The following MICALL1 variants were observed in gnomAD, a reference collection of about 807,000 sequenced individuals.
MICALL1 encodes MICAL-like protein 1.
Under a neutral mutation model 83.7 loss-of-function variants are expected in MICALL1, and 61 were observed. The observed-to-expected ratio is 0.73, with a 90% CI of 0.59 to 0.90. The LOEUF is 0.90. Among genes scored for constraint, MICALL1 ranks in the 40% least tolerant of loss-of-function variants. The probability of loss-of-function intolerance (pLI) is 0.00; values close to 1 mark genes in which losing one functional copy is unlikely to be tolerated. For missense variants in MICALL1, 1,066 were observed against 1,152.0 expected (o/e 0.93, Z 1.08); for synonymous variants, 481 against 473.6 (o/e 1.02, Z -0.20).
At position 37,925,414 on chromosome 22, in the gene MICALL1, C is replaced by A. The variant is rs1325017239; in HGVS notation, c.1083-247C>A. 2.0e-5 allele frequency among the ~76,000 whole-genome samples: 3 copies of A among 152,054 alleles called. No individual in the cohort carries two copies. In the East Asian group the frequency reaches 5.8e-4, roughly 29 times the overall value. Reference sequence around the variant, plus strand: ...TACATGGATTGTAGGTGGCAGAGCCCCTGGTCGATCCTTTCCTGGGCTGGG... The same window carrying A: ...TACATGGATTGTAGGTGGCAGAGCCACTGGTCGATCCTTTCCTGGGCTGGG... On this transcript the variant is annotated intron_variant, in intron 7 of 15. Transcript: ENST00000215957.
At chr22:37,938,401 CA>C (rs559904995) in intron 15 of MICALL1, among the ~76,000 whole-genome samples, 3,628 of 59,186 alleles carry the variant, frequency 0.061, 117 homozygotes, top group African/African-American at 0.19. Flanking sequence ...GACTCAGTCT[CA>C]AAAAAAAAAA....
chr22:37,940,061 C>G (rs938685697), intron 15 of MICALL1, among the ~76,000 whole-genome samples: 3 of 152,002 alleles, frequency 2.0e-5, no homozygotes, highest in Non-Finnish European at 4.4e-5. Flanking sequence ...TGCACTCCAG[C>G]CTGGGCGACA....
chr22:37,912,110 C>A, intron 2 of MICALL1, 110 bp downstream of exon 2: 1 of 1,324,486 alleles, frequency 7.6e-7, no homozygotes. Context: ...CCCTTGTACA[C>A]CGGCCCTGGC....
intron 5 of MICALL1, among the ~76,000 whole-genome samples, chr22:37,921,291 G>C (rs1430486807): frequency 1.3e-5 from 2 of 152,094 alleles, no homozygotes; most frequent in African/African-American, 4.8e-5. Flanking sequence ...AACACAGCCG[G>C]AAGTAGTGGC....
Position 37,922,361 on chromosome 22 carries a change from G to A in MICALL1, c.959G>A (p.Arg320Gln), listed in dbSNP as rs558013925. ...ESTTPAPPTPRPRSSLQQENL... is the reference protein window; with the variant it reads ...ESTTPAPPTPQPRSSLQQENL... ...ACCACCCCAGCACCCCCCACGCCCC[G>A]GCCCCGCTCCAGTCTGCAGCAGGAG... Residue 320 changes from arginine to glutamine, a missense_variant, in exon 6 of 16, where the codon CGG becomes CAG. Transcript: ENST00000215957. The A allele has an allele frequency of 5.6e-5, 85 of 1,517,886 alleles. No individual in the cohort carries two copies. The East Asian group carries it at 7.1e-4, about 13-fold the overall frequency. The allele number at this position is 1,517,886 out of a possible 1,614,324, so 94.0% of individuals were successfully genotyped here.
chr22:37,938,644 C>CA (rs1304882780), intron 15 of MICALL1, among the ~76,000 whole-genome samples: 1 of 139,308 alleles, frequency 7.2e-6, no homozygotes, highest in Non-Finnish European at 1.5e-5. Context: ...TTTTTTGAGA[C>CA]AGAGTCTTGC....
rs1383238089 is a variant in MICALL1 at position 37,924,760 on chromosome 22, G to A, written c.1082+43G>A. ...GGGCTTTCCTGCTTTGGAGGTCCTG[G>A]TGGTGGGAATCAGGGTACTCTGGGG... On this transcript the variant is annotated intron_variant, in intron 7 of 15. Coordinates refer to ENST00000215957, the MANE Select transcript of MICALL1 (RefSeq NM_033386.4). The surrounding 1 kb of genome is among the most constrained non-coding windows in gnomAD (Gnocchi z 5.2). 1.3e-6 allele frequency: 2 copies of A among 1,599,554 alleles called. No individual in the cohort carries two copies. The highest frequency in any genetic ancestry group is 1.7e-4 in the Middle Eastern group (1 of 6,016).
rs141656115 is a variant in MICALL1, at chr22:37,936,753, G to A, written c.2309-327G>A. ...TAAAAATATAAAAAATTAGCTGAGC[G>A]TGGTGGCAGGTGCCTGTAGTCCCAG... On this transcript the variant is annotated intron_variant, in intron 13 of 15. Coordinates refer to ENST00000215957, the MANE Select transcript of MICALL1 (RefSeq NM_033386.4). 8.7e-3 allele frequency among the ~76,000 whole-genome samples: 1,324 copies of A among 152,248 alleles called. 15 individuals are homozygous for A. The highest frequency in any genetic ancestry group is 0.026 in the African/African-American group (1,085 of 41,552).
In MICALL1 at chr22:37,924,771, CAG is replaced by C. The variant is rs1929318242; in HGVS notation, c.1082+55_1082+56del. 6 of 1,581,776 alleles carry C rather than the reference CAG, an allele frequency of 3.8e-6. No homozygotes were observed. The East Asian group carries it at 1.1e-4, about 30-fold the overall frequency. ...CTTTGGAGGTCCTGGTGGTGGGAAT[CAG>C]GGTACTCTGGGGCCGGGTAGGGAGA... is the stretch of plus-strand genomic sequence containing the variant. On this transcript the variant is annotated intron_variant, in intron 7 of 15. Transcript: ENST00000215957. The surrounding 1 kb of genome is among the most constrained non-coding windows in gnomAD (Gnocchi z 5.2).
intron 8 of MICALL1, 58 bp downstream of exon 8, chr22:37,926,101 C>A: frequency 6.7e-7 from 1 of 1,483,494 alleles, no homozygotes; most frequent in South Asian, 1.3e-5. Context: ...GGGCCCGGGC[C>A]TGGGGAGGGG....
intron 15 of MICALL1, among the ~76,000 whole-genome samples, chr22:37,940,258 C>G (rs1378875488): frequency 6.6e-6 from 1 of 151,624 alleles, no homozygotes; most frequent in Non-Finnish European, 1.5e-5. Context: ...CCCATCTCTA[C>G]TAAAAATACA....
At position 37,924,738 on chromosome 22, in the gene MICALL1, C is replaced by G; in HGVS notation, c.1082+21C>G. On this transcript the variant is annotated intron_variant, in intron 7 of 15. Transcript: ENST00000215957. The surrounding 1 kb of genome is among the most constrained non-coding windows in gnomAD (Gnocchi z 5.2). The stretch of plus-strand genomic sequence containing the variant: ...GAGGGGTATGTCGATCCCTGAGGGG[C>G]TTTCCTGCTTTGGAGGTCCTGGTGG... 6 of 1,609,466 alleles carry G rather than the reference C, an allele frequency of 3.7e-6. No individual in the cohort carries two copies. The highest frequency in any genetic ancestry group is 5.1e-6 in the Non-Finnish European group (6 of 1,177,546).
rs555950761 is a variant in MICALL1, at chr22:37,927,573, A to G, written c.1628A>G (p.His543Arg). ...AAGAGCTCCTCAGAGCCTGCTGTCC[A>G]TGCCCCTGGTACCCCTGGAAACCCT... ...VPKSSSEPAV[H>R]APGTPGNPVS... The change falls in exon 9 of 16, where the codon CAT becomes CGT. Residue 543 changes from histidine to arginine, a missense_variant. By Grantham distance (29) the His-to-Arg change is conservative (BLOSUM62 0). Transcript: ENST00000215957. 2.5e-6 allele frequency: 4 copies of G among 1,613,496 alleles called. No homozygotes were observed. Among genetic ancestry groups the G allele is most frequent in the Non-Finnish European group, 3.4e-6 (4 of 1,179,466 alleles).
chr22:37,922,796 G>GTTTTTTTTTTTTTTT (rs574266914), intron 6 of MICALL1, among the ~76,000 whole-genome samples: 545 of 68,826 alleles, frequency 7.9e-3, no homozygotes, highest in Non-Finnish European at 0.01. Flanking sequence ...GTTTTTTTTT[G>GTTTTTTTTTTTTTTT]TTTTTTTTTT....
chr22:37,942,157 G>A lies in MICALL1; in HGVS notation c.*1327G>A, dbSNP rs927395358. ...ATCTCTGCCCTCACCGCCTGCCACT[G>A]GGCAGGATCCCTTTCCTCTGCAGGG... On this transcript the variant is annotated 3_prime_UTR_variant, in exon 16 of 16. Coordinates refer to ENST00000215957, the MANE Select transcript of MICALL1 (RefSeq NM_033386.4). The A allele has an allele frequency of 6.6e-6, 1 of 152,304 alleles. No homozygotes were observed. The highest frequency in any genetic ancestry group is 1.5e-5 in the Non-Finnish European group (1 of 68,074). 9.4% of individuals were successfully genotyped at this position (152,304 alleles called of 1,614,324 possible).
At chr22:37,918,392 T>C (rs913539813) in intron 4 of MICALL1, among the ~76,000 whole-genome samples, 4 of 152,078 alleles carry the variant, frequency 2.6e-5, no homozygotes, top group Non-Finnish European at 5.9e-5. Flanking sequence ...CACCTTACAG[T>C]GTGTAAAGGG....
chr22:37,929,323 A>G (rs1929662425), intron 9 of MICALL1, among the ~76,000 whole-genome samples: 2 of 152,112 alleles, frequency 1.3e-5, no homozygotes, highest in Admixed American at 1.3e-4. Context: ...TGGGCTCCAC[A>G]GGTCATGTGG....
chr22:37,927,370 G>A (rs755849474), intron 8 of MICALL1, 41 bp from the exon 9 acceptor site: 1 of 1,513,094 alleles, frequency 6.6e-7, no homozygotes, highest in Non-Finnish European at 8.8e-7. Flanking sequence ...AAGCCCTTGT[G>A]GTGCTCCCCT....
intron 1 of MICALL1, 64 bp from the exon 2 acceptor site, chr22:37,911,888 A>G (rs999504420): frequency 6.5e-7 from 1 of 1,529,676 alleles, no homozygotes; most frequent in Non-Finnish European, 9.1e-7. Context: ...TCTGACTCTG[A>G]CCCCGCCCCT....
Sources: gnomAD v4.1 joint callset for allele counts (sites outside exome capture counted in the v4.1 genomes callset) on GRCh38, gnomAD v4.1.1 for gene constraint, Gnocchi (gnomAD v3.1) non-coding constraint, MANE v1.5 for transcripts, NCBI Gene and HGNC (gene_info 2026-07-23, HGNC 2026-07-21) for gene names.